Variants in SCUBE1 observed in about 807,000 individuals in gnomAD.
SCUBE1 encodes the protein signal peptide, CUB and EGF-like domain-containing protein 1.
SCUBE1 carries 59 observed loss-of-function variants against 124.4 expected under a neutral mutation model. That is an observed-to-expected ratio of 0.47 (90% CI 0.38 to 0.59). The LOEUF is 0.59. Among genes scored for constraint, SCUBE1 ranks in the 20% least tolerant of loss-of-function variants. The pLI, the probability that SCUBE1 is intolerant of heterozygous loss-of-function variation, is 0.00. For synonymous variants in SCUBE1, 545 were observed against 550.9 expected, an observed-to-expected ratio of 0.99 and a Z score of 0.15; for missense variants, 1,150 against 1,371.2, an observed-to-expected ratio of 0.84 and a Z score of 2.55.
At chr22:43,292,391 T>G (rs544848357) in intron 3 of SCUBE1, among the ~76,000 whole-genome samples, 2 of 152,270 alleles carry the variant, frequency 1.3e-5, no homozygotes, top group Admixed American at 1.3e-4. Context: ...ACAGCGTGTT[T>G]CAATTACCAG....
intron 3 of SCUBE1, among the ~76,000 whole-genome samples, chr22:43,310,466 A>G (rs1179438454): frequency 1.3e-5 from 2 of 152,218 alleles, no homozygotes; most frequent in Non-Finnish European, 2.9e-5. Context: ...GAGGCTGCCC[A>G]TAGTGTCCTG....
chr22:43,336,886 A>T (rs747488278), intron 2 of SCUBE1, among the ~76,000 whole-genome samples: 70 of 152,176 alleles, frequency 4.6e-4, no homozygotes, highest in Non-Finnish European at 7.8e-4. Context: ...GGCAGGCGGA[A>T]AATCTGAGCT....
chr22:43,213,536 A>T (rs1241309052), intron 16 of SCUBE1: 1 of 152,314 alleles, frequency 6.6e-6, no homozygotes, highest in Non-Finnish European at 1.5e-5. Flanking sequence ...AGCTTCACAG[A>T]TGGAGTTAAG....
chr22:43,300,531 G>A lies in SCUBE1; in HGVS notation c.350-9351C>T, dbSNP rs1038548684. On this transcript the variant is annotated intron_variant, in intron 3 of 21. Transcript: ENST00000360835. Reference sequence around the variant, plus strand: ...CACAAAGACTCCAGGTGGGCGTGGCGTCTCCATCTCTTTGGAGATATGTCT... The same window carrying A: ...CACAAAGACTCCAGGTGGGCGTGGCATCTCCATCTCTTTGGAGATATGTCT... Among the ~76,000 whole-genome samples, 4 of 152,174 alleles carry A rather than the reference G, an allele frequency of 2.6e-5. No homozygotes were observed. The East Asian group carries it at 5.8e-4, about 22-fold the overall frequency.
chr22:43,220,472 C>T lies in SCUBE1; in HGVS notation c.1665G>A (p.Glu555=). The T allele has an allele frequency of 6.2e-7, 1 of 1,614,080 alleles. No homozygotes were observed. Among genetic ancestry groups the T allele is most frequent in the Non-Finnish European group, 8.5e-7 (1 of 1,179,974 alleles). The stretch of plus-strand genomic sequence containing the variant: ...TACCTGAGGCCTCTTCCATCTTTGT[C>T]TCGATCTCAAACTCTGCTGTGATGT... ...VSHITAEFEI[E]TKMEEASDTC... Residue 555 remains glutamate (E), a synonymous_variant, in exon 14 of 22, where the codon GAG becomes GAA. Coordinates refer to ENST00000360835, the MANE Select transcript of SCUBE1 (RefSeq NM_173050.5).
At chr22:43,299,111 T>C (rs1282986461) in intron 3 of SCUBE1, among the ~76,000 whole-genome samples, 1 of 151,818 alleles carries the variant, frequency 6.6e-6, no homozygotes, top group East Asian at 1.9e-4. Context: ...CTCTGTGACC[T>C]TGAGCAGGTC....
chr22:43,212,397 G>A, intron 17 of SCUBE1, 28 bp downstream of exon 17: 1 of 1,546,620 alleles, frequency 6.5e-7, no homozygotes, highest in East Asian at 2.4e-5. Flanking sequence ...CTCGGGGTGG[G>A]CGGGCGTGGT....
intron 6 of SCUBE1, among the ~76,000 whole-genome samples, chr22:43,257,885 C>CCCCACACACA (rs1491219812): frequency 2.6e-5 from 4 of 152,226 alleles, no homozygotes; most frequent in Non-Finnish European, 5.9e-5. Flanking sequence ...CCTCCCTTCT[C>CCCCACACACA]CCCACACACA....
chr22:43,305,895 C>T (rs1356763323), intron 3 of SCUBE1, among the ~76,000 whole-genome samples: 1 of 152,214 alleles, frequency 6.6e-6, no homozygotes. Flanking sequence ...ATAAAGAGTG[C>T]CAGCCAGGCA....
chr22:43,257,083 G>C (rs1923688491), intron 6 of SCUBE1, among the ~76,000 whole-genome samples: 1 of 152,208 alleles, frequency 6.6e-6, no homozygotes. Context: ...ACAGAGGAAG[G>C]GAGAGCCACC....
intron 4 of SCUBE1, among the ~76,000 whole-genome samples, chr22:43,275,650 C>T (rs1417366129): frequency 6.6e-6 from 1 of 152,168 alleles, no homozygotes; most frequent in African/African-American, 2.4e-5. Flanking sequence ...TGAAAGTGCG[C>T]TGGGTTTTGA....
chr22:43,292,775 AC>A (rs1925414590), intron 3 of SCUBE1, among the ~76,000 whole-genome samples: 1 of 152,180 alleles, frequency 6.6e-6, no homozygotes, highest in Non-Finnish European at 1.5e-5. Flanking sequence ...CCACTTTACC[AC>A]CTAAGACACC....
At position 43,201,705 on chromosome 22, in the gene SCUBE1, A is replaced by G. The variant is rs1601787189; in HGVS notation, c.*2292T>C. The stretch of plus-strand genomic sequence containing the variant: ...GCTTCTCCTGGTCTCCCAATCGCAG[A>G]CAGCCGATCGTGGGACTTGTTGGCC... On this transcript the variant is annotated 3_prime_UTR_variant, in exon 22 of 22. Transcript: ENST00000360835. 1 of 152,104 alleles carries G rather than the reference A, an allele frequency of 6.6e-6. No homozygotes were observed. The highest frequency in any genetic ancestry group is 2.4e-5 in the African/African-American group (1 of 41,388). The allele number at this position is 152,104 out of a possible 1,614,324, so 9.4% of individuals were successfully genotyped here.
At chr22:43,317,811 A>G (rs1185851043) in intron 3 of SCUBE1, among the ~76,000 whole-genome samples, 1 of 152,224 alleles carries the variant, frequency 6.6e-6, no homozygotes. Context: ...TTTTGTTGGA[A>G]ATAAGGTCTT....
chr22:43,286,149 A>G lies in SCUBE1; in HGVS notation c.484+4897T>C, dbSNP rs1451818977. On this transcript the variant is annotated intron_variant, in intron 4 of 21. Transcript: ENST00000360835. ...TCCTCATCTGTCACAAATCACATGA[A>G]TAAGAGCCCGTGTTTATTGAAACTG... 2.6e-5 allele frequency among the ~76,000 whole-genome samples: 4 copies of G among 152,248 alleles called. No homozygotes were observed. In the East Asian group the frequency reaches 7.7e-4, roughly 29 times the overall value.
At chr22:43,314,304 G>C (rs757539357) in intron 3 of SCUBE1, among the ~76,000 whole-genome samples, 9 of 152,256 alleles carry the variant, frequency 5.9e-5, no homozygotes, top group Admixed American at 2.6e-4. Flanking sequence ...CAAGTAATAG[G>C]GAGTGGTGGA....
chr22:43,294,638 G>A (rs1274691494), intron 3 of SCUBE1, among the ~76,000 whole-genome samples: 2 of 152,236 alleles, frequency 1.3e-5, no homozygotes, highest in African/African-American at 2.4e-5. Context: ...GCCTGTGGGC[G>A]ATGCCCAGGC....
At chr22:43,217,794 T>C (rs372554579) in intron 15 of SCUBE1, among the ~76,000 whole-genome samples, 46 of 152,278 alleles carry the variant, frequency 3.0e-4, no homozygotes, top group African/African-American at 9.9e-4. Flanking sequence ...CCTCACCTGC[T>C]TCCCTGCAGC....
At chr22:43,288,937 C>T (rs1270850302) in intron 4 of SCUBE1, among the ~76,000 whole-genome samples, 1 of 152,188 alleles carries the variant, frequency 6.6e-6, no homozygotes, top group South Asian at 2.1e-4. Context: ...CTGTAGGGGA[C>T]GCTAAGGTTT....
Sources: gnomAD v4.1 joint callset for allele counts (sites outside exome capture counted in the v4.1 genomes callset) on GRCh38, gnomAD v4.1.1 for gene constraint, MANE v1.5 for transcripts, NCBI Gene and HGNC (gene_info 2026-07-23, HGNC 2026-07-21) for gene names.